ZNF616: variants seen among roughly 807,000 people sequenced by gnomAD.
The protein encoded by ZNF616 is zinc finger protein 616.
Under a neutral mutation model 7.6 loss-of-function variants are expected in ZNF616, and 5 were observed. That is an observed-to-expected ratio of 0.66 (90% CI 0.34 to 1.38). The LOEUF is 1.38. ZNF616 is among the 40% of genes most tolerant of loss of function. The probability of loss-of-function intolerance (pLI) is 0.04; values close to 1 mark genes in which losing one functional copy is unlikely to be tolerated. For synonymous variants in ZNF616, 319 were observed against 317.2 expected (o/e 1.01, Z -0.06); for missense variants, 913 against 948.3 (o/e 0.96, Z 0.49).
rs777197821 is a variant in ZNF616, at chr19:52,116,132, C to T, written c.1032G>A (p.Gln344=). 5.0e-6 allele frequency: 8 copies of T among 1,614,080 alleles called. No homozygotes were observed. The highest frequency in any genetic ancestry group is 4.4e-5 in the South Asian group (4 of 91,078). ...FKRSSNLTVH[Q]VIHAGKKPYK... ...ATGGTTTCTTTCCTGCATGGATTAC[C>T]TGATGTACAGTGAGGTTTGAGCTCC... Residue 344 remains glutamine, a synonymous_variant, in exon 4 of 4, where the codon CAG becomes CAA. Coordinates refer to ENST00000600228, the MANE Select transcript of ZNF616 (RefSeq NM_178523.5).
In ZNF616 at chr19:52,123,918, C is replaced by T. The variant is rs772444749; in HGVS notation, c.139+5G>A. 6.8e-6 allele frequency: 11 copies of T among 1,613,540 alleles called. No individual in the cohort carries two copies. In the East Asian group the frequency reaches 2.2e-4, roughly 33 times the overall value. On this transcript the variant is annotated splice_donor_5th_base_variant and intron_variant, in intron 3 of 3. Coordinates refer to ENST00000600228, the MANE Select transcript of ZNF616 (RefSeq NM_178523.5). ...TCTGAACTTCTAGAAGGAAATTATA[C>T]TCACCTAGGAAGACCAGGTTCCTAT...
intron 1 of ZNF616, among the ~76,000 whole-genome samples, chr19:52,131,877 A>T (rs1600128107): frequency 6.6e-6 from 1 of 152,262 alleles, no homozygotes; most frequent in Non-Finnish European, 1.5e-5. Context: ...GATTACCTGC[A>T]ACTGAGGGGC....
rs774852018 is a variant in ZNF616 at position 52,115,947 on chromosome 19, T to C, written c.1217A>G (p.Glu406Gly). Residue 406 changes from glutamate to glycine, a missense_variant, in exon 4 of 4, where the codon GAG becomes GGG. By Grantham distance (98) the Glu-to-Gly change is moderately conservative. Coordinates refer to ENST00000600228, the MANE Select transcript of ZNF616 (RefSeq NM_178523.5). ...LAVHRRIHTV[E>G]KPCKCNECGK... ...ACATTCATTGCATTTGCAAGGTTTCTCTACAGTGTGAATTCGTCGATGCAC... is the reference window on the plus strand; with the variant it reads ...ACATTCATTGCATTTGCAAGGTTTCCCTACAGTGTGAATTCGTCGATGCAC... 3 of 1,614,236 alleles carry C rather than the reference T, an allele frequency of 1.9e-6. No individual in the cohort carries two copies. The highest frequency in any genetic ancestry group is 2.5e-6 in the Non-Finnish European group (3 of 1,180,044).
rs1475646775 is a variant in ZNF616, at chr19:52,113,780, A to G, written c.*1038T>C. 3 of 152,200 alleles carry G rather than the reference A, an allele frequency of 2.0e-5. No individual in the cohort carries two copies. Among genetic ancestry groups the G allele is most frequent in the African/African-American group, 4.8e-5 (2 of 41,438 alleles). The allele number at this position is 152,200 out of a possible 1,614,324, so 9.4% of individuals were successfully genotyped here. A position where few individuals can be genotyped will look rare whatever the true frequency, so the allele number is the denominator to read the frequency against. ...TTCCAGCTCCATCCACATCGCTGCA[A>G]TGGACATGATCTCATTCCTTTCTAT... is the stretch of plus-strand genomic sequence containing the variant. On this transcript the variant is annotated 3_prime_UTR_variant, in exon 4 of 4. Coordinates refer to ENST00000600228, the MANE Select transcript of ZNF616 (RefSeq NM_178523.5).
chr19:52,113,470 G>T lies in ZNF616; in HGVS notation c.*1348C>A, dbSNP rs568723633. The T allele has an allele frequency of 1.6e-4, 25 of 152,316 alleles. No homozygotes were observed. The highest frequency in any genetic ancestry group is 6.0e-4 in the African/African-American group (25 of 41,560). The allele number at this position is 152,316 out of a possible 1,614,324, so 9.4% of individuals were successfully genotyped here. A position where few individuals can be genotyped will look rare whatever the true frequency, so the allele number is the denominator to read the frequency against. On this transcript the variant is annotated 3_prime_UTR_variant, in exon 4 of 4. Transcript: ENST00000600228. The stretch of plus-strand genomic sequence containing the variant: ...GGACATTGGTTTTGTCTCACTTTAA[G>T]TTCTGGGTACATGTGCACAATTTGC...
Position 52,115,221 on chromosome 19 carries a change from A to C in ZNF616, c.1943T>G (p.Leu648Arg). ...AGTATGAACAGTCTGATGAAGTCTA[A>C]GATGGACACGCTGACTAAAGGAATT... Reference protein sequence around the residue: ...CGNSFSQRVHLRLHQTVHTGD... With the variant: ...CGNSFSQRVHRRLHQTVHTGD... Residue 648 changes from leucine to arginine, a missense_variant, in exon 4 of 4, where the codon CTT (leucine) becomes CGT (arginine). By Grantham distance (102) the Leu-to-Arg change is moderately radical (BLOSUM62 -2). Transcript: ENST00000600228. 6.2e-7 allele frequency: 1 copy of C among 1,614,194 alleles called. No homozygotes were observed. Among genetic ancestry groups the C allele is most frequent in the Non-Finnish European group, 8.5e-7 (1 of 1,180,028 alleles).
chr19:52,138,393 CAA>C (rs1197481851), intron 1 of ZNF616: 1 of 152,080 alleles, frequency 6.6e-6, no homozygotes, highest in African/African-American at 2.4e-5. Flanking sequence ...TTTAAAGAAA[CAA>C]ATTTTAAATT....
At chr19:52,129,630 T>A (rs1372278297) in intron 2 of ZNF616, among the ~76,000 whole-genome samples, 2 of 152,178 alleles carry the variant, frequency 1.3e-5, no homozygotes, top group African/African-American at 4.8e-5. Flanking sequence ...TATTTTTAAA[T>A]CAATGATGGA....
rs761484623 is a variant in ZNF616, at chr19:52,116,457, G to C, written c.707C>G (p.Thr236Arg). The C allele has an allele frequency of 1.2e-6, 2 of 1,613,998 alleles. No individual in the cohort carries two copies. Among genetic ancestry groups the C allele is most frequent in the East Asian group, 4.5e-5 (2 of 44,874 alleles). Residue 236 changes from threonine to arginine, a missense_variant, in exon 4 of 4, where the codon ACA becomes AGA. Thr to Arg is a moderately conservative substitution (Grantham distance 71). Coordinates refer to ENST00000600228, the MANE Select transcript of ZNF616 (RefSeq NM_178523.5). Reference sequence around the variant, plus strand: ...ATCACATTGATATGATTTCCCTCTTGTATGGACTACCTTGTGTACAGTTAG... The same window carrying C: ...ATCACATTGATATGATTTCCCTCTTCTATGGACTACCTTGTGTACAGTTAG... ...SLLTVHKVVH[T>R]RGKSYQCDVC...
Position 52,124,912 on chromosome 19 carries a change from A to C in ZNF616, c.13-863T>G, listed in dbSNP as rs536524912. Among the ~76,000 whole-genome samples, 6 of 152,252 alleles carry C rather than the reference A, an allele frequency of 3.9e-5. No homozygotes were observed. In the South Asian group the frequency reaches 1.2e-3, roughly 32 times the overall value. ...GCTGTGTCCCCACGTGGCAGAAGGA[A>C]CAGAAGGGCCAAAAAGCAGTGAACT... is the stretch of plus-strand genomic sequence containing the variant. On this transcript the variant is annotated intron_variant, in intron 2 of 3. Coordinates refer to ENST00000600228, the MANE Select transcript of ZNF616 (RefSeq NM_178523.5).
chr19:52,126,597 G>A (rs1183519737), intron 2 of ZNF616, among the ~76,000 whole-genome samples: 3 of 151,678 alleles, frequency 2.0e-5, no homozygotes, highest in Non-Finnish European at 2.9e-5. Flanking sequence ...GTGAAACCCC[G>A]TCTCTACTAA....
chr19:52,138,466 C>G (rs2089032091), intron 1 of ZNF616: 1 of 152,196 alleles, frequency 6.6e-6, no homozygotes, highest in African/African-American at 2.4e-5. Context: ...CAACTCACAG[C>G]TCATCTGGGT....
intron 1 of ZNF616, among the ~76,000 whole-genome samples, chr19:52,135,185 A>G (rs1006190746): frequency 6.6e-6 from 1 of 152,118 alleles, no homozygotes; most frequent in African/African-American, 2.4e-5. Flanking sequence ...CTTGGGGTCC[A>G]CACCCTTCCC....
chr19:52,116,154 CT>C lies in ZNF616; in HGVS notation c.1009del (p.Ser337AlafsTer9). ...TACCTGATGTACAGTGAGGTTTGAG[CT>C]CCGTTTAAAGGTTTTGCCACACTCA... ...CNECGKTFKR[S>X]SNLTVHQVIH... On this transcript the variant is annotated frameshift_variant, in exon 4 of 4. Coordinates refer to ENST00000600228, the MANE Select transcript of ZNF616 (RefSeq NM_178523.5). LOFTEE classifies it low-confidence loss of function (END_TRUNC). The C allele has an allele frequency of 6.2e-7, 1 of 1,613,914 alleles. No individual in the cohort carries two copies. Among genetic ancestry groups the C allele is most frequent in the Non-Finnish European group, 8.5e-7 (1 of 1,179,980 alleles).
intron 3 of ZNF616, among the ~76,000 whole-genome samples, chr19:52,118,396 A>C (rs1199363333): frequency 1.3e-5 from 2 of 152,228 alleles, no homozygotes; most frequent in Non-Finnish European, 2.9e-5. Flanking sequence ...GATACAATGA[A>C]GGCTGCTTTG....
At chr19:52,130,992 GGA>G in intron 1 of ZNF616, among the ~76,000 whole-genome samples, 1 of 152,346 alleles carries the variant, frequency 6.6e-6, no homozygotes. Flanking sequence ...CTTGGGGCTG[GGA>G]GCGGTGGCTC....
In ZNF616 at chr19:52,137,246, G is replaced by A. The variant is rs1220657290; in HGVS notation, c.-77+2486C>T. Among the ~76,000 whole-genome samples the A allele has an allele frequency of 4.0e-5, 6 of 151,242 alleles. No homozygotes were observed. The South Asian group carries it at 6.3e-4, about 16-fold the overall frequency. ...ATCCTGGCTAACACAGTGAAACCCC[G>A]TCTGTACTAAAAAAAAAATACAAAA... On this transcript the variant is annotated intron_variant, in intron 1 of 3. Transcript: ENST00000600228.
intron 1 of ZNF616, among the ~76,000 whole-genome samples, chr19:52,136,802 C>A (rs1338698074): frequency 6.6e-6 from 1 of 151,988 alleles, no homozygotes; most frequent in Non-Finnish European, 1.5e-5. Context: ...GTAGTTCATG[C>A]CTATAATCCC....
rs191597348 is a variant in ZNF616, at chr19:52,123,954, C to T, written c.108G>A (p.Met36Ile). ...PVQKALYKDV[M>I]LENYRNLVFL... is the part of the protein sequence containing the mutation. ...AGACCAGGTTCCTATAGTTCTCCAA[C>T]ATCACATCCTTGTACAAAGCTTTCT... Residue 36 changes from methionine to isoleucine, a missense_variant, in exon 3 of 4, where the codon ATG (methionine) becomes ATA (isoleucine). Transcript: ENST00000600228. 5.0e-5 allele frequency: 81 copies of T among 1,614,106 alleles called. No homozygotes were observed. The East Asian group carries it at 1.7e-3, about 33-fold the overall frequency.
Sources: gnomAD v4.1 joint callset for allele counts (sites outside exome capture counted in the v4.1 genomes callset) on GRCh38, gnomAD v4.1.1 for gene constraint, MANE v1.5 for transcripts, NCBI Gene and HGNC (gene_info 2026-07-23, HGNC 2026-07-21) for gene names.